Variants in ARID1B observed in about 807,000 individuals in gnomAD.
ARID1B encodes the protein AT-rich interaction domain 1B, also known as AT-rich interactive domain-containing protein 1B.
A neutral mutation model predicts 212.3 loss-of-function variants in ARID1B; 30 were observed. The observed-to-expected ratio is 0.14, with a 90% CI of 0.11 to 0.19. ARID1B has a LOEUF of 0.19. ARID1B is among the 10% of genes least tolerant of loss of function. The pLI is 1.00. For missense variants in ARID1B, 2,891 were observed against 3,204.0 expected (o/e 0.90, Z 2.36); for synonymous variants, 1,402 against 1,301.7 (o/e 1.08, Z -1.66).
At chr6:157,112,570 C>A (rs1343297923) in intron 6 of ARID1B, among the ~76,000 whole-genome samples, 1 of 152,146 alleles carries the variant, frequency 6.6e-6, no homozygotes, top group African/African-American at 2.4e-5. Context: ...ATTTGAAAGT[C>A]TTAAAATTTT....
intron 1 of ARID1B, among the ~76,000 whole-genome samples, chr6:156,797,813 C>T (rs962304280): frequency 3.9e-5 from 6 of 152,218 alleles, no homozygotes; most frequent in Non-Finnish European, 7.3e-5. Context: ...TGACACTGCC[C>T]TGCGGAGCAC....
At chr6:156,834,954 G>C (rs1328020189) in intron 2 of ARID1B, among the ~76,000 whole-genome samples, 1 of 152,154 alleles carries the variant, frequency 6.6e-6, no homozygotes, top group East Asian at 1.9e-4. Context: ...ATATTTTTGG[G>C]CCGGGCGCGG....
chr6:156,835,084 C>CA (rs1183999299), intron 2 of ARID1B, among the ~76,000 whole-genome samples: 2 of 151,684 alleles, frequency 1.3e-5, no homozygotes, highest in East Asian at 1.9e-4. Flanking sequence ...TAAAAAAATA[C>CA]AAAAAAATTA....
intron 3 of ARID1B, among the ~76,000 whole-genome samples, chr6:156,909,387 G>A (rs905968513): frequency 9.2e-5 from 14 of 152,100 alleles, no homozygotes; most frequent in African/African-American, 3.1e-4. Context: ...GCCTCCCAGA[G>A]TGCTGGAATT....
At chr6:156,996,996 G>T (rs1778630612) in intron 4 of ARID1B, among the ~76,000 whole-genome samples, 1 of 152,162 alleles carries the variant, frequency 6.6e-6, no homozygotes, top group Non-Finnish European at 1.5e-5. Context: ...AGAGAGTATG[G>T]TATGCAGTCT....
At chr6:156,992,230 T>C (rs2128407815) in intron 4 of ARID1B, among the ~76,000 whole-genome samples, 1 of 152,322 alleles carries the variant, frequency 6.6e-6, no homozygotes, top group Non-Finnish European at 1.5e-5. Context: ...TAGTTGTAGA[T>C]ACAGACATGA....
intron 4 of ARID1B, among the ~76,000 whole-genome samples, chr6:157,045,652 C>T (rs948512396): frequency 6.6e-6 from 1 of 152,186 alleles, no homozygotes; most frequent in African/African-American, 2.4e-5. Context: ...TAACCAATGT[C>T]ATTGAAACAA....
At chr6:157,152,194 G>A (rs1380323691) in intron 8 of ARID1B, 1 of 152,138 alleles carries the variant, frequency 6.6e-6, no homozygotes, top group Admixed American at 6.6e-5. Context: ...GGCCTCTTTA[G>A]ACCCACAAAG....
At chr6:157,022,326 A>G (rs890195889) in intron 4 of ARID1B, 3 of 152,388 alleles carry the variant, frequency 2.0e-5, no homozygotes, top group Non-Finnish European at 2.9e-5. Flanking sequence ...ATGCTCATCA[A>G]CCTTCCTTGC....
chr6:156,778,704 CA>C lies in ARID1B; in HGVS notation c.1027del (p.Ser343AlafsTer6). 1 of 1,520,776 alleles carries C rather than the reference CA, an allele frequency of 6.6e-7. No homozygotes were observed. 94.2% of individuals were successfully genotyped at this position (1,520,776 alleles called of 1,614,324 possible). On this transcript the variant is annotated frameshift_variant, in exon 1 of 20. Transcript: ENST00000636930. LOFTEE classifies it high-confidence loss of function. ...GPCFDQHGGQQSPGMGMMHSA... is the reference protein window; with the variant it reads ...GPCFDQHGGQXSPGMGMMHSA... Reference sequence around the variant, plus strand: ...TTGCTTTGATCAACATGGCGGACAACAAAGCCCCGGGATGGGGATGATGCAC... The same window carrying C: ...TTGCTTTGATCAACATGGCGGACAACAAGCCCCGGGATGGGGATGATGCAC...
intron 2 of ARID1B, among the ~76,000 whole-genome samples, chr6:156,897,723 A>G (rs1016639959): frequency 6.6e-6 from 1 of 152,126 alleles, no homozygotes; most frequent in African/African-American, 2.4e-5. Context: ...CTGGACAGTC[A>G]GGACTTCCAT....
intron 15 of ARID1B, chr6:157,194,256 CT>C (rs1222390685): frequency 4.6e-5 from 7 of 152,184 alleles, no homozygotes; most frequent in Non-Finnish European, 8.8e-5. Context: ...CTTTCTATCT[CT>C]GTTTTCACAT....
chr6:157,021,639 C>T (rs1187242942), intron 4 of ARID1B, among the ~76,000 whole-genome samples: 3 of 152,156 alleles, frequency 2.0e-5, no homozygotes, highest in African/African-American at 7.2e-5. Context: ...ACAGATGAGC[C>T]TTTGTGGGAC....
rs76100678 is a variant in ARID1B, at chr6:156,812,145, T to C, written c.1792-17082T>C. Among the ~76,000 whole-genome samples the C allele has an allele frequency of 1.7e-3, 260 of 152,300 alleles. 2 individuals carry two copies. The East Asian group carries it at 0.038, about 22-fold the overall frequency. Reference sequence around the variant, plus strand: ...TATTTCTGCATCTCTCTCTCTCTCTTATTTGAAACAGGGTCTTCCTTTGTC... The same window carrying C: ...TATTTCTGCATCTCTCTCTCTCTCTCATTTGAAACAGGGTCTTCCTTTGTC... On this transcript the variant is annotated intron_variant, in intron 1 of 19. Transcript: ENST00000636930.
At chr6:156,845,082 T>G (rs1159333484) in intron 2 of ARID1B, among the ~76,000 whole-genome samples, 2 of 142,736 alleles carry the variant, frequency 1.4e-5, no homozygotes, top group Non-Finnish European at 3.1e-5. Flanking sequence ...GTCTCCGTAA[T>G]TTAGGAGACA....
chr6:156,786,232 A>G (rs1398997889), intron 1 of ARID1B, among the ~76,000 whole-genome samples: 2 of 151,618 alleles, frequency 1.3e-5, no homozygotes, highest in Admixed American at 6.6e-5. Flanking sequence ...GTTTCTGGGC[A>G]TCTCACCCCT....
chr6:156,778,918 G>T lies in ARID1B; in HGVS notation c.1238G>T (p.Gly413Val). 1 of 1,317,246 alleles carries T rather than the reference G, an allele frequency of 7.6e-7. No individual in the cohort carries two copies. The highest frequency in any genetic ancestry group is 2.4e-5 in the South Asian group (1 of 41,914). 81.6% of individuals were successfully genotyped at this position (1,317,246 alleles called of 1,614,324 possible). A position where few individuals can be genotyped will look rare whatever the true frequency, so the allele number is the denominator to read the frequency against. Residue 413 changes from glycine (G) to valine (V), a missense_variant, in exon 1 of 20, where the codon GGA (glycine) becomes GTA (valine). Gly to Val is a moderately radical substitution (Grantham distance 109). Transcript: ENST00000636930. ...SGGGGGGGGA[G>V]AGGAGAGAVA... ...GGAGGAGGAGGAGGAGGAGGAGCAG[G>T]AGCAGGAGGAGCAGGAGCGGGAGCT... is the stretch of plus-strand genomic sequence containing the variant.
intron 7 of ARID1B, among the ~76,000 whole-genome samples, chr6:157,139,874 C>G (rs1257476340): frequency 6.6e-6 from 1 of 151,776 alleles, no homozygotes; most frequent in Non-Finnish European, 1.5e-5. Context: ...AGGCGCCCAC[C>G]ACCATACCCA....
rs1784773039 is a variant in ARID1B, at chr6:157,083,625, C to G, written c.2248-1037C>G. Reference sequence around the variant, plus strand: ...ACAGTAACTTGGACTCTCTGAGCTTCCATTGTTTTGTATCTGTATCAATGG... The same window carrying G: ...ACAGTAACTTGGACTCTCTGAGCTTGCATTGTTTTGTATCTGTATCAATGG... On this transcript the variant is annotated intron_variant, in intron 4 of 19. Transcript: ENST00000636930. 2.0e-5 allele frequency among the ~76,000 whole-genome samples: 3 copies of G among 152,170 alleles called. No individual in the cohort carries two copies. The South Asian group carries it at 6.2e-4, about 32-fold the overall frequency.
Sources: allele counts gnomAD v4.1 joint callset (sites outside exome capture counted in the v4.1 genomes callset), GRCh38; gene constraint gnomAD v4.1.1; transcripts MANE v1.5; gene names NCBI Gene and HGNC (gene_info 2026-07-23, HGNC 2026-07-21).